The following B4GALT1 variants were observed in gnomAD, a reference collection of about 807,000 sequenced individuals.
B4GALT1 encodes beta-1,4-galactosyltransferase 1.
A neutral mutation model predicts 34.9 loss-of-function variants in B4GALT1; 16 were observed. The observed-to-expected ratio is 0.46, with a 90% CI of 0.31 to 0.70. The LOEUF is 0.70. Among genes scored for constraint, B4GALT1 ranks in the 30% least tolerant of loss-of-function variants. The probability of loss-of-function intolerance (pLI) is 0.05; values close to 1 mark genes in which losing one functional copy is unlikely to be tolerated. For synonymous variants in B4GALT1, 221 were observed against 218.1 expected (o/e 1.01, Z -0.12); for missense variants, 445 against 530.5 (o/e 0.84, Z 1.58).
downstream of B4GALT1, among the ~76,000 whole-genome samples, chr9:33,106,407 C>T (rs1427160496): frequency 1.3e-5 from 2 of 152,200 alleles, no homozygotes; most frequent in East Asian, 1.9e-4. Flanking sequence ...CCACCCTGTC[C>T]GCATCCCTGT....
At chr9:33,169,315 A>C (rs1190728597), upstream of B4GALT1, among the ~76,000 whole-genome samples, 3 of 152,148 alleles carry the variant, frequency 2.0e-5, no homozygotes, top group African/African-American at 7.2e-5. Flanking sequence ...TGCCTTAGCC[A>C]CACTAGCCTG....
chr9:33,123,813 G>T (rs1840056023), intron 2 of B4GALT1, among the ~76,000 whole-genome samples: 2 of 152,220 alleles, frequency 1.3e-5, no homozygotes, highest in African/African-American at 4.8e-5. Context: ...CACCCTGGAG[G>T]AGAAGCCCAA....
At chr9:33,161,414 CG>C (rs1213066242) in intron 1 of B4GALT1, among the ~76,000 whole-genome samples, 3 of 152,122 alleles carry the variant, frequency 2.0e-5, no homozygotes, top group African/African-American at 4.8e-5. Flanking sequence ...AGCTAGTGAC[CG>C]CCTCAGCTCA....
At chr9:33,128,155 T>G (rs1481094157) in intron 2 of B4GALT1, among the ~76,000 whole-genome samples, 2 of 151,984 alleles carry the variant, frequency 1.3e-5, no homozygotes, top group African/African-American at 2.4e-5. Flanking sequence ...AGGTGGAGAA[T>G]AAGAAGCAGA....
intron 2 of B4GALT1, 34 bp from the exon 3 acceptor site, chr9:33,120,640 C>T (rs1321334348): frequency 1.9e-6 from 3 of 1,609,804 alleles, no homozygotes; most frequent in Non-Finnish European, 2.5e-6. Flanking sequence ...ATATCAAATG[C>T]CTTAAAGCCT....
At chr9:33,167,372 AGGGGCGGGGCCCCGGCGAAGGCG>A (rs1226408664), upstream of B4GALT1, 12 of 407,292 alleles carry the variant, frequency 2.9e-5, no homozygotes, top group Non-Finnish European at 4.2e-5. Flanking sequence ...CGGAGAGGGG[AGGGGCGGGGCCCCGGCGAAGGCG>A]GGGGCGGGGC....
At chr9:33,134,657 C>T (rs1840241111) in intron 2 of B4GALT1, among the ~76,000 whole-genome samples, 1 of 152,170 alleles carries the variant, frequency 6.6e-6, no homozygotes. Flanking sequence ...CGGCCCAGTC[C>T]ACATAACTCT....
intron 1 of B4GALT1, among the ~76,000 whole-genome samples, chr9:33,155,216 C>T (rs916250793): frequency 1.3e-5 from 2 of 152,040 alleles, no homozygotes; most frequent in African/African-American, 4.8e-5. Flanking sequence ...TGATTTCTCT[C>T]GGATTATTCA....
At chr9:33,133,530 C>T (rs1840224032) in intron 2 of B4GALT1, among the ~76,000 whole-genome samples, 1 of 152,250 alleles carries the variant, frequency 6.6e-6, no homozygotes, top group Non-Finnish European at 1.5e-5. Flanking sequence ...TTCTCAATCA[C>T]AGAGCTTTTC....
At chr9:33,176,823 G>A in the B4GALT1 span, among the ~76,000 whole-genome samples, 3 of 124,308 alleles carry the variant, frequency 2.4e-5, no homozygotes, top group Non-Finnish European at 5.2e-5. Context: ...ACCTGTACAC[G>A]TACCCCCAAA....
chr9:33,122,476 C>T (rs985788737), intron 2 of B4GALT1, among the ~76,000 whole-genome samples: 2 of 151,858 alleles, frequency 1.3e-5, no homozygotes, highest in Non-Finnish European at 2.9e-5. Context: ...CACTGCACTC[C>T]AGCCTGGGCG....
Position 33,166,750 on chromosome 9 carries a change from G to C in B4GALT1, c.412+8C>G, listed in dbSNP as rs777344736. The C allele has an allele frequency of 6.7e-7, 1 of 1,503,144 alleles. No individual in the cohort carries two copies. The highest frequency in any genetic ancestry group is 8.8e-7 in the Non-Finnish European group (1 of 1,133,156). The allele number at this position is 1,503,144 out of a possible 1,614,324, so 93.1% of individuals were successfully genotyped here. On this transcript the variant is annotated splice_region_variant and intron_variant, in intron 1 of 5. Coordinates refer to ENST00000379731, the MANE Select transcript of B4GALT1 (RefSeq NM_001497.4). The stretch of plus-strand genomic sequence containing the variant: ...AATCCTCCGACTGGCGCCGACCCGA[G>C]TCCTTACCAAGCAGCGGGGACTCCT...
At position 33,113,280 on chromosome 9, in the gene B4GALT1, TGG is replaced by T; in HGVS notation, c.*172_*173del. On this transcript the variant is annotated 3_prime_UTR_variant, in exon 6 of 6. Coordinates refer to ENST00000379731, the MANE Select transcript of B4GALT1 (RefSeq NM_001497.4). Reference sequence around the variant, plus strand: ...TAAGAATTCACATGCCGAGCCAAGTTGGGGGCAAAATATCCCACTCGTCCTGG... The same window carrying T: ...TAAGAATTCACATGCCGAGCCAAGTTGGGCAAAATATCCCACTCGTCCTGG... The T allele has an allele frequency of 1.1e-6, 1 of 938,680 alleles. No homozygotes were observed. Among genetic ancestry groups the T allele is most frequent in the Non-Finnish European group, 1.7e-6 (1 of 598,438 alleles). 58.1% of individuals were successfully genotyped at this position (938,680 alleles called of 1,614,324 possible).
chr9:33,157,672 T>C (rs1169146360), intron 1 of B4GALT1, among the ~76,000 whole-genome samples: 1 of 151,986 alleles, frequency 6.6e-6, no homozygotes, highest in Non-Finnish European at 1.5e-5. Context: ...CAATGGTAAG[T>C]AGAATTTTTT....
At chr9:33,174,057 C>T in the B4GALT1 span, 1 of 151,936 alleles carries the variant, frequency 6.6e-6, no homozygotes, top group Admixed American at 6.6e-5. Context: ...TAATGGGAAA[C>T]ATTAGAGAAA....
At chr9:33,126,002 T>A (rs1198884194) in intron 2 of B4GALT1, among the ~76,000 whole-genome samples, 9 of 151,068 alleles carry the variant, frequency 6.0e-5, no homozygotes, top group Admixed American at 5.9e-4. Flanking sequence ...TCGCAATGAG[T>A]CAGAACTTCT....
the B4GALT1 span, among the ~76,000 whole-genome samples, chr9:33,182,201 A>G: frequency 1.3e-5 from 2 of 152,276 alleles, no homozygotes; most frequent in African/African-American, 2.4e-5. Flanking sequence ...TTGTAGCAGC[A>G]TCATTCTATT....
At chr9:33,120,652 T>C (rs765537693) in intron 2 of B4GALT1, 46 bp from the exon 3 acceptor site, 3 of 1,597,348 alleles carry the variant, frequency 1.9e-6, no homozygotes, top group Non-Finnish European at 2.6e-6. Context: ...TTAAAGCCTT[T>C]GGGCCAAACA....
chr9:33,128,135 A>C (rs1840140607), intron 2 of B4GALT1, among the ~76,000 whole-genome samples: 1 of 152,170 alleles, frequency 6.6e-6, no homozygotes, highest in Non-Finnish European at 1.5e-5. Flanking sequence ...GAAAGTACAG[A>C]AGAGAAGGTA....
Sources: gnomAD v4.1 joint callset for allele counts (sites outside exome capture counted in the v4.1 genomes callset) on GRCh38, gnomAD v4.1.1 for gene constraint, MANE v1.5 for transcripts, NCBI Gene and HGNC (gene_info 2026-07-23, HGNC 2026-07-21) for gene names.